Variants in ITPKC observed in about 807,000 individuals in gnomAD.
ITPKC encodes the protein IP3 3-kinase C.
A neutral mutation model predicts 67.1 loss-of-function variants in ITPKC; 33 were observed. That is an observed-to-expected ratio of 0.49 (90% CI 0.37 to 0.66). ITPKC has a LOEUF of 0.66. Among genes scored for constraint, ITPKC ranks in the 30% least tolerant of loss-of-function variants. The pLI, the probability that ITPKC is intolerant of heterozygous loss-of-function variation, is 0.00. For missense variants in ITPKC, 820 were observed against 892.1 expected (o/e 0.92, Z 1.03); for synonymous variants, 341 against 359.8 (o/e 0.95, Z 0.59).
intron 1 of ITPKC, 100 bp downstream of exon 1, chr19:40,718,390 C>T: frequency 1.4e-6 from 2 of 1,416,898 alleles, no homozygotes; most frequent in Non-Finnish European, 1.9e-6. Context: ...GTTAGTTGCC[C>T]ACCAGCAATT....
At chr19:40,724,956 AAAAAAAAG>A (rs2082239188) in intron 1 of ITPKC, among the ~76,000 whole-genome samples, 1 of 149,612 alleles carries the variant, frequency 6.7e-6, no homozygotes, top group Non-Finnish European at 1.5e-5. Context: ...TTAAAAAAAA[AAAAAAAAG>A]AAGATTTGGA....
chr19:40,735,935 G>A (rs1383721074), intron 4 of ITPKC, among the ~76,000 whole-genome samples: 5 of 152,274 alleles, frequency 3.3e-5, no homozygotes, highest in South Asian at 4.1e-4. Flanking sequence ...CACAATTCCC[G>A]TTTTCCAGAT....
intron 1 of ITPKC, among the ~76,000 whole-genome samples, chr19:40,724,463 T>C (rs1305044203): frequency 6.6e-6 from 1 of 152,032 alleles, no homozygotes; most frequent in Non-Finnish European, 1.5e-5. Context: ...AACTAATAGC[T>C]GGAGCTATGT....
rs946649908 is a variant in ITPKC at position 40,736,966 on chromosome 19, C to T, written c.1675-20C>T. 4 of 1,527,960 alleles carry T rather than the reference C, an allele frequency of 2.6e-6. No homozygotes were observed. In the African/African-American group the frequency reaches 4.1e-5, roughly 16 times the overall value. 94.7% of individuals were successfully genotyped at this position (1,527,960 alleles called of 1,614,324 possible). A position where few individuals can be genotyped will look rare whatever the true frequency, so the allele number is the denominator to read the frequency against. On this transcript the variant is annotated intron_variant, in intron 4 of 6. Transcript: ENST00000263370. Reference sequence around the variant, plus strand: ...GAAGGAAAAGCCCATGACCCTGCCCCTCCACACCCTGCCCTACAGAAGGCA... The same window carrying T: ...GAAGGAAAAGCCCATGACCCTGCCCTTCCACACCCTGCCCTACAGAAGGCA...
At chr19:40,736,596 C>T (rs544950199) in intron 4 of ITPKC, among the ~76,000 whole-genome samples, 85 of 152,080 alleles carry the variant, frequency 5.6e-4, no homozygotes, top group Non-Finnish European at 4.9e-4. Context: ...CTCTGCCTCC[C>T]GGGTTTAAGC....
chr19:40,718,538 G>C (rs1378965824), intron 1 of ITPKC, among the ~76,000 whole-genome samples: 1 of 152,080 alleles, frequency 6.6e-6, no homozygotes. Flanking sequence ...TACAATGGAG[G>C]GCCACTGACC....
chr19:40,719,922 A>G (rs2082213460), intron 1 of ITPKC, among the ~76,000 whole-genome samples: 1 of 151,718 alleles, frequency 6.6e-6, no homozygotes, highest in South Asian at 2.1e-4. Context: ...TACACCAGAC[A>G]CTGTTTTAAG....
At chr19:40,723,412 TTCTC>T (rs1250854024) in intron 1 of ITPKC, among the ~76,000 whole-genome samples, 1 of 152,144 alleles carries the variant, frequency 6.6e-6, no homozygotes. Flanking sequence ...GTTTCCTTTG[TTCTC>T]TCTCTCTTTG....
At position 40,717,658 on chromosome 19, in the gene ITPKC, G is replaced by C. The variant is rs2082197321; in HGVS notation, c.523G>C (p.Glu175Gln). ...GCCAGGGGTTCATGGGCCCTGGACAGAGCTGGAAACGCATGGGTCACAGAC... is the reference window on the plus strand; with the variant it reads ...GCCAGGGGTTCATGGGCCCTGGACACAGCTGGAAACGCATGGGTCACAGAC... ...TQPGVHGPWT[E>Q]LETHGSQTQP... is the part of the protein sequence containing the mutation. Residue 175 changes from glutamate (E) to glutamine (Q), a missense_variant, in exon 1 of 7, where the codon GAG becomes CAG. Around this residue, in one of 2 missense-constraint regions of ITPKC, gnomAD observed 481 missense variants for 470.1 expected, o/e 1.02. Coordinates refer to ENST00000263370, the MANE Select transcript of ITPKC (RefSeq NM_025194.3). 6.2e-7 allele frequency: 1 copy of C among 1,614,036 alleles called. No individual in the cohort carries two copies. Among genetic ancestry groups the C allele is most frequent in the Admixed American group, 1.7e-5 (1 of 60,000 alleles).
chr19:40,729,491 C>T lies in ITPKC; in HGVS notation c.1469+76C>T, dbSNP rs574204271. 785 of 1,276,424 alleles carry T rather than the reference C, an allele frequency of 6.1e-4. 2 individuals carry two copies. Among genetic ancestry groups the T allele is most frequent in the Non-Finnish European group, 8.3e-4 (757 of 908,098 alleles). The allele number at this position is 1,276,424 out of a possible 1,614,324, so 79.1% of individuals were successfully genotyped here. On this transcript the variant is annotated intron_variant, in intron 3 of 6. Coordinates refer to ENST00000263370, the MANE Select transcript of ITPKC (RefSeq NM_025194.3). The stretch of plus-strand genomic sequence containing the variant: ...TATTGAAAATATTGGCCTGGCCAGG[C>T]GCGGTGGCTCACGCCTGTAATCCCA...
rs373104401 is a variant in ITPKC at position 40,729,247 on chromosome 19, G to C, written c.1301G>C (p.Cys434Ser). 1.4e-5 allele frequency: 23 copies of C among 1,614,022 alleles called. No homozygotes were observed. In the African/African-American group the frequency reaches 2.8e-4, roughly 20 times the overall value. ...GATGGTCGGATTCTGAAACGTTTCT[G>C]TCAGTGTGAGCAGCGCAGCCTGGAG... is the stretch of plus-strand genomic sequence containing the variant. The part of the protein sequence containing the change: ...GEDGRILKRF[C>S]QCEQRSLEQL... The change falls in exon 3 of 7, where the codon TGT becomes TCT. Residue 434 changes from cysteine to serine, a missense_variant. Cys to Ser is a moderately radical substitution (Grantham distance 112). This residue lies in a region of ITPKC where 339 missense variants were observed against 422.0 expected (regional missense o/e 0.80). Coordinates refer to ENST00000263370, the MANE Select transcript of ITPKC (RefSeq NM_025194.3).
At position 40,717,529 on chromosome 19, in the gene ITPKC, G is replaced by A. The variant is rs1218380997; in HGVS notation, c.394G>A (p.Glu132Lys). Residue 132 changes from glutamate (E) to lysine (K), a missense_variant, in exon 1 of 7, where the codon GAG becomes AAG. Glu to Lys is a moderately conservative substitution (Grantham distance 56, BLOSUM62 1). Transcript: ENST00000263370. ...THLEWSWSELETTCLWTETGT... is the reference protein window; with the variant it reads ...THLEWSWSELKTTCLWTETGT... The stretch of plus-strand genomic sequence containing the variant: ...TCTAGAATGGAGCTGGTCAGAGCTG[G>A]AGACGACTTGTCTTTGGACGGAGAC... 2 of 1,614,176 alleles carry A rather than the reference G, an allele frequency of 1.2e-6. No homozygotes were observed. Among genetic ancestry groups the A allele is most frequent in the Admixed American group, 1.7e-5 (1 of 60,024 alleles).
chr19:40,731,122 C>A (rs1235686657), intron 3 of ITPKC, among the ~76,000 whole-genome samples: 1 of 152,144 alleles, frequency 6.6e-6, no homozygotes, highest in Non-Finnish European at 1.5e-5. Context: ...CTTACCTTTA[C>A]TGGTTTAATA....
At chr19:40,729,442 G>C in intron 3 of ITPKC, 27 bp downstream of exon 3, 1 of 1,588,878 alleles carries the variant, frequency 6.3e-7, no homozygotes, top group Non-Finnish European at 8.6e-7. Context: ...CCTGGGGCAG[G>C]GATGGAGGGC....
chr19:40,725,280 C>A, intron 1 of ITPKC, 60 bp from the exon 2 acceptor site: 1 of 1,108,624 alleles, frequency 9.0e-7, no homozygotes, highest in Non-Finnish European at 1.4e-6. Flanking sequence ...CATGGCAGCA[C>A]CTCTAGCCCC....
rs1213230132 is a variant in ITPKC at position 40,717,656 on chromosome 19, C to T, written c.521C>T (p.Thr174Ile). 1 of 1,613,978 alleles carries T rather than the reference C, an allele frequency of 6.2e-7. No homozygotes were observed. Among genetic ancestry groups the T allele is most frequent in the Non-Finnish European group, 8.5e-7 (1 of 1,180,018 alleles). ...CAGCCAGGGGTTCATGGGCCCTGGA[C>T]AGAGCTGGAAACGCATGGGTCACAG... ...WTQPGVHGPW[T>I]ELETHGSQTQ... The change falls in exon 1 of 7, where the codon ACA (threonine) becomes ATA (isoleucine). Residue 174 changes from threonine (T) to isoleucine (I), a missense_variant. Transcript: ENST00000263370.
chr19:40,739,569 G>A lies in ITPKC; in HGVS notation c.*9G>A. The A allele has an allele frequency of 6.2e-7, 1 of 1,609,916 alleles. No individual in the cohort carries two copies. On this transcript the variant is annotated 3_prime_UTR_variant, in exon 7 of 7. Transcript: ENST00000263370. Reference sequence around the variant, plus strand: ...GGCTGGCACAGAGCTGAGCTGCTCAGCCACCATCAGGTTAATTGGATGGCG... The same window carrying A: ...GGCTGGCACAGAGCTGAGCTGCTCAACCACCATCAGGTTAATTGGATGGCG...
In ITPKC at chr19:40,740,128, A is replaced by G. The variant is rs2082317615; in HGVS notation, c.*568A>G. 6.4e-6 allele frequency: 1 copy of G among 155,248 alleles called. No homozygotes were observed. Among genetic ancestry groups the G allele is most frequent in the Non-Finnish European group, 1.4e-5 (1 of 70,130 alleles). The allele number at this position is 155,248 out of a possible 1,614,324, so 9.6% of individuals were successfully genotyped here. A position where few individuals can be genotyped will look rare whatever the true frequency, so the allele number is the denominator to read the frequency against. On this transcript the variant is annotated 3_prime_UTR_variant, in exon 7 of 7. Coordinates refer to ENST00000263370, the MANE Select transcript of ITPKC (RefSeq NM_025194.3). The stretch of plus-strand genomic sequence containing the variant: ...CTGAGCGACAAGAGGCTCAGAGGGC[A>G]TGACCCCATGGGACTGGATGCGGCC...
chr19:40,726,083 A>G (rs569680759), intron 2 of ITPKC, among the ~76,000 whole-genome samples: 8 of 152,292 alleles, frequency 5.3e-5, no homozygotes, highest in African/African-American at 1.7e-4. Context: ...TCTACTAAAA[A>G]TAAAAAAATT....
Sources: allele counts gnomAD v4.1 joint callset (sites outside exome capture counted in the v4.1 genomes callset), GRCh38; gene constraint gnomAD v4.1.1; regional missense constraint gnomAD v4.1.1; transcripts MANE v1.5; gene names NCBI Gene and HGNC (gene_info 2026-07-23, HGNC 2026-07-21).